PIBF1: variants seen among roughly 807,000 people sequenced by gnomAD.
PIBF1 encodes the protein progesterone immunomodulatory binding factor 1, also known as progesterone-induced-blocking factor 1.
A neutral mutation model predicts 112.5 loss-of-function variants in PIBF1; 90 were observed. The observed-to-expected ratio is 0.80, with a 90% CI of 0.67 to 0.95. The LOEUF (loss-of-function observed/expected upper bound fraction) is 0.95, where lower values mean the gene tolerates loss of function less well. Ranked by LOEUF, PIBF1 falls within the 40% of genes least tolerant of loss-of-function variation. PIBF1 has a pLI of 0.00. For missense variants in PIBF1, 915 were observed against 852.3 expected, an observed-to-expected ratio of 1.07 and a Z score of -0.92; for synonymous variants, 301 against 288.6, an observed-to-expected ratio of 1.04 and a Z score of -0.44.
chr13:72,947,996 C>T (rs755481765), intron 14 of PIBF1, among the ~76,000 whole-genome samples: 11 of 152,130 alleles, frequency 7.2e-5, no homozygotes, highest in African/African-American at 1.9e-4. Context: ...CCAAACACCA[C>T]GTGTTCTCAC....
At chr13:72,927,990 C>CACATATATATATAT (rs2041562471) in intron 13 of PIBF1, among the ~76,000 whole-genome samples, 1 of 80,842 alleles carries the variant, frequency 1.2e-5, no homozygotes, top group Non-Finnish European at 2.3e-5. Context: ...TATATATATA[C>CACATATATATATAT]ACACACATAT....
intron 16 of PIBF1, among the ~76,000 whole-genome samples, chr13:72,992,027 A>G (rs778348336): frequency 5.3e-5 from 8 of 152,044 alleles, no homozygotes; most frequent in Non-Finnish European, 1.0e-4. Context: ...CCCCGTCTCA[A>G]TTTTTTTAAA....
intron 14 of PIBF1, among the ~76,000 whole-genome samples, chr13:72,943,843 A>C (rs1410592319): frequency 6.6e-6 from 1 of 152,222 alleles, no homozygotes; most frequent in African/African-American, 2.4e-5. Flanking sequence ...GACTGGTTAT[A>C]TGACTTTAGG....
intron 10 of PIBF1, among the ~76,000 whole-genome samples, chr13:72,880,153 G>C (rs1827399706): frequency 6.6e-6 from 1 of 152,148 alleles, no homozygotes; most frequent in African/African-American, 2.4e-5. Flanking sequence ...TCTTTCCCAT[G>C]CATCTCTTTA....
intron 9 of PIBF1, among the ~76,000 whole-genome samples, chr13:72,838,211 G>GGTGAC (rs2037446531): frequency 6.6e-6 from 1 of 152,132 alleles, no homozygotes; most frequent in Non-Finnish European, 1.5e-5. Context: ...CATAGGTAGT[G>GGTGAC]GTGACCTTTG....
At chr13:72,983,670 A>G (rs1314756771) in intron 16 of PIBF1, among the ~76,000 whole-genome samples, 1 of 152,208 alleles carries the variant, frequency 6.6e-6, no homozygotes, top group African/African-American at 2.4e-5. Context: ...GGAAGATTTC[A>G]GGGACATTTC....
At chr13:72,796,951 T>TGTTA (rs1208922319) in intron 4 of PIBF1, among the ~76,000 whole-genome samples, 1 of 152,208 alleles carries the variant, frequency 6.6e-6, no homozygotes, top group Non-Finnish European at 1.5e-5. Flanking sequence ...TACCGTCATA[T>TGTTA]GTTAAGGAGT....
At chr13:72,903,079 G>A (rs78327439) in intron 11 of PIBF1, among the ~76,000 whole-genome samples, 7,102 of 151,630 alleles carry the variant, frequency 0.047, 252 homozygotes, top group East Asian at 0.14. Flanking sequence ...TATGTTTTTC[G>A]TAGAGACGAG....
chr13:72,804,677 C>T (rs959362187), intron 5 of PIBF1, among the ~76,000 whole-genome samples: 6 of 152,070 alleles, frequency 3.9e-5, no homozygotes, highest in Non-Finnish European at 8.8e-5. Context: ...GTCAGGGAGA[C>T]CCCCCTGTTT....
chr13:72,882,496 G>C (rs1472797504), intron 10 of PIBF1, among the ~76,000 whole-genome samples: 3 of 152,100 alleles, frequency 2.0e-5, no homozygotes, highest in Admixed American at 1.3e-4. Context: ...AAAGTGAAGA[G>C]ACAACCCACA....
intron 8 of PIBF1, among the ~76,000 whole-genome samples, chr13:72,830,710 A>T (rs534118234): frequency 7.6e-4 from 115 of 152,282 alleles, no homozygotes; most frequent in African/African-American, 2.7e-3. Context: ...ATTGATGTTC[A>T]TCAGGGATAT....
chr13:72,918,270 G>C (rs567437999), intron 13 of PIBF1, among the ~76,000 whole-genome samples: 2 of 151,930 alleles, frequency 1.3e-5, no homozygotes, highest in East Asian at 3.9e-4. Flanking sequence ...TGCCTATAAA[G>C]CAACTGTTTT....
At chr13:72,901,361 C>T (rs945505880) in intron 11 of PIBF1, among the ~76,000 whole-genome samples, 2 of 152,132 alleles carry the variant, frequency 1.3e-5, no homozygotes, top group African/African-American at 4.8e-5. Flanking sequence ...ACAGTACCCC[C>T]TTACTCCTGC....
intron 10 of PIBF1, among the ~76,000 whole-genome samples, chr13:72,880,401 T>G (rs1566398023): frequency 6.6e-6 from 1 of 152,216 alleles, no homozygotes; most frequent in Non-Finnish European, 1.5e-5. Context: ...GTTATTTTTC[T>G]TATGACAAGC....
intron 16 of PIBF1, among the ~76,000 whole-genome samples, chr13:72,977,838 G>A (rs1214757811): frequency 6.6e-6 from 1 of 152,152 alleles, no homozygotes; most frequent in African/African-American, 2.4e-5. Context: ...GGAATATTAG[G>A]TGATGTTTAG....
chr13:72,825,638 A>G (rs995315952), intron 6 of PIBF1, among the ~76,000 whole-genome samples: 1 of 152,226 alleles, frequency 6.6e-6, no homozygotes, highest in Non-Finnish European at 1.5e-5. Flanking sequence ...CATTCTCCAC[A>G]TATACCGTTA....
At chr13:72,927,031 T>C (rs1290705793) in intron 13 of PIBF1, among the ~76,000 whole-genome samples, 2 of 152,178 alleles carry the variant, frequency 1.3e-5, no homozygotes, top group Non-Finnish European at 2.9e-5. Context: ...CTGCAGTCAT[T>C]GATATTCATC....
intron 16 of PIBF1, among the ~76,000 whole-genome samples, chr13:72,998,290 C>CA (rs1159520877): frequency 6.6e-6 from 1 of 152,124 alleles, no homozygotes; most frequent in Non-Finnish European, 1.5e-5. Context: ...CTATTAGAAT[C>CA]ACTTGAGATC....
intron 14 of PIBF1, among the ~76,000 whole-genome samples, chr13:72,949,333 TGA>T (rs2042236633): frequency 9.7e-6 from 1 of 103,152 alleles, no homozygotes; most frequent in Non-Finnish European, 1.9e-5. Flanking sequence ...TTTTTTTTTT[TGA>T]GACAGAGTCT....
Sources: gnomAD v4.1 joint callset for allele counts (sites outside exome capture counted in the v4.1 genomes callset) on GRCh38, gnomAD v4.1.1 for gene constraint, MANE v1.5 for transcripts, NCBI Gene and HGNC (gene_info 2026-07-23, HGNC 2026-07-21) for gene names.